SUMF1: variants seen among roughly 807,000 people sequenced by gnomAD.
SUMF1 encodes formylglycine-generating enzyme.
SUMF1 carries 48 observed loss-of-function variants against 47.6 expected under a neutral mutation model. The ratio of observed to expected loss-of-function variants is 1.01; its 90% CI spans 0.80 to 1.28. The LOEUF is 1.28. Ranked by LOEUF, SUMF1 falls within the 50% of genes most tolerant of loss-of-function variation. SUMF1 has a pLI of 0.00. For synonymous variants in SUMF1, 230 were observed against 192.1 expected (o/e 1.20, Z -1.63); for missense variants, 571 against 485.4 (o/e 1.18, Z -1.66).
chr3:4,094,744 G>C (rs1467538213), intron 8 of SUMF1, among the ~76,000 whole-genome samples: 1 of 152,112 alleles, frequency 6.6e-6, no homozygotes, highest in African/African-American at 2.4e-5. Flanking sequence ...GGAGTCAAAA[G>C]GCTGTTAATA....
At chr3:4,276,875 C>T (rs1218973389) in intron 8 of SUMF1, among the ~76,000 whole-genome samples, 1 of 151,938 alleles carries the variant, frequency 6.6e-6, no homozygotes, top group Non-Finnish European at 1.5e-5. Flanking sequence ...GTTTAAAAAC[C>T]TTGACAAAAT....
At chr3:4,249,063 C>G (rs1307537336) in intron 8 of SUMF1, among the ~76,000 whole-genome samples, 1 of 152,072 alleles carries the variant, frequency 6.6e-6, no homozygotes, top group East Asian at 1.9e-4. Flanking sequence ...GCCACTTGGC[C>G]CATGAGGCAC....
In SUMF1 at chr3:4,425,632, T is replaced by C. The variant is rs539294578; in HGVS notation, c.520-5486A>G. ...AGACTTCTCAAGAAGATGTACCATC[T>C]TCCATCACAGTCATGATGTGAGAAC... On this transcript the variant is annotated intron_variant, in intron 3 of 8. Coordinates refer to ENST00000272902, the MANE Select transcript of SUMF1 (RefSeq NM_182760.4). Among the ~76,000 whole-genome samples the C allele has an allele frequency of 4.6e-5, 7 of 152,286 alleles. No homozygotes were observed. The South Asian group carries it at 1.0e-3, about 23-fold the overall frequency.
Position 4,362,193 on chromosome 3 carries a change from G to T in SUMF1, c.1076C>A (p.Ser359Ter), listed in dbSNP as rs137852844. 6.2e-7 allele frequency: 1 copy of T among 1,614,194 alleles called. No homozygotes were observed. The change falls in exon 9 of 9, where the codon TCG becomes TAG. Residue 359 changes from serine to a stop codon, truncating the protein, a stop_gained. Coordinates refer to ENST00000272902, the MANE Select transcript of SUMF1 (RefSeq NM_182760.4). LOFTEE classifies it high-confidence loss of function. ...RSQNTPDSSA[S>*]NLGFRCAADR... is the part of the protein sequence containing the mutation. ...GGCTGCACAGCGGAATCCCAGATTCGAAGCAGAGCTATCAGGTGTGTTCTG... is the reference window on the plus strand; with the variant it reads ...GGCTGCACAGCGGAATCCCAGATTCTAAGCAGAGCTATCAGGTGTGTTCTG...
chr3:4,327,054 A>T (rs1303241434), intron 8 of SUMF1, among the ~76,000 whole-genome samples: 1 of 152,204 alleles, frequency 6.6e-6, no homozygotes, highest in African/African-American at 2.4e-5. Flanking sequence ...GGTAGAGAAA[A>T]GGAAATATGC....
At position 4,133,409 on chromosome 3, in the gene SUMF1, T is replaced by C. The variant is rs143868152; in HGVS notation, c.1015-64664A>G. Among the ~76,000 whole-genome samples the C allele has an allele frequency of 1.1e-4, 17 of 152,170 alleles. No individual in the cohort carries two copies. The East Asian group carries it at 3.3e-3, about 29-fold the overall frequency. On this transcript the variant is annotated intron_variant and NMD_transcript_variant, in intron 8 of 12. Coordinates refer to the SUMF1 transcript ENST00000448413. The stretch of plus-strand genomic sequence containing the variant: ...TGTATGGGTTCAAGTTGACAAGGGG[T>C]GAACTTGTGATAGTTAATACTAAGT...
At chr3:4,040,493 G>T (rs1694889389) in intron 9 of SUMF1, among the ~76,000 whole-genome samples, 1 of 152,098 alleles carries the variant, frequency 6.6e-6, no homozygotes, top group Admixed American at 6.5e-5. Context: ...AGATATACGG[G>T]ATATATTTAT....
intron 8 of SUMF1, among the ~76,000 whole-genome samples, chr3:4,173,931 G>A (rs1163255025): frequency 6.6e-6 from 1 of 152,120 alleles, no homozygotes; most frequent in Non-Finnish European, 1.5e-5. Flanking sequence ...TAATGTAAGT[G>A]ACAGGTTGAT....
intron 8 of SUMF1, among the ~76,000 whole-genome samples, chr3:4,111,799 C>A (rs1378617959): frequency 6.6e-6 from 1 of 151,918 alleles, no homozygotes; most frequent in East Asian, 1.9e-4. Flanking sequence ...TGTATGTATA[C>A]CAAGTACAAC....
At chr3:4,420,648 G>T (rs913751422) in intron 3 of SUMF1, among the ~76,000 whole-genome samples, 4 of 151,962 alleles carry the variant, frequency 2.6e-5, no homozygotes, top group African/African-American at 9.7e-5. Flanking sequence ...CGCCCGCCTC[G>T]GCCTCCCAAA....
intron 8 of SUMF1, among the ~76,000 whole-genome samples, chr3:4,086,842 C>T (rs1462764288): frequency 6.6e-6 from 1 of 152,064 alleles, no homozygotes; most frequent in Admixed American, 6.6e-5. Flanking sequence ...ACCCCTTTCA[C>T]TTGGCTGTCA....
chr3:4,107,527 T>C (rs1693186578), intron 8 of SUMF1, among the ~76,000 whole-genome samples: 1 of 152,120 alleles, frequency 6.6e-6, no homozygotes, highest in African/African-American at 2.4e-5. Context: ...AGTAGGTGTT[T>C]ATTTGATATT....
intron 8 of SUMF1, among the ~76,000 whole-genome samples, chr3:4,323,983 G>C (rs1490333565): frequency 2.0e-5 from 3 of 152,074 alleles, no homozygotes; most frequent in African/African-American, 7.2e-5. Context: ...TTAAATCTGT[G>C]TACGTGTAAG....
intron 8 of SUMF1, among the ~76,000 whole-genome samples, chr3:4,370,664 G>A (rs1300164157): frequency 6.6e-6 from 1 of 152,126 alleles, no homozygotes; most frequent in Non-Finnish European, 1.5e-5. Flanking sequence ...GGCCATATCT[G>A]AAGACCCCGG....
At chr3:4,420,796 A>G (rs1485940837) in intron 3 of SUMF1, among the ~76,000 whole-genome samples, 2 of 152,160 alleles carry the variant, frequency 1.3e-5, no homozygotes, top group Non-Finnish European at 1.5e-5. Flanking sequence ...GAGGAAACAG[A>G]GTTAACCCTA....
At chr3:4,297,561 T>A (rs1201847364) in intron 8 of SUMF1, among the ~76,000 whole-genome samples, 1 of 125,268 alleles carries the variant, frequency 8.0e-6, no homozygotes, top group Non-Finnish European at 1.6e-5. Context: ...CCACTACACC[T>A]GAATTTTTTT....
Position 4,420,070 on chromosome 3 carries a change from A to C in SUMF1, c.596T>G (p.Leu199Arg). The change falls in exon 4 of 9, where the codon CTG becomes CGG. Residue 199 changes from leucine to arginine, a missense_variant. Leu to Arg is a moderately radical substitution (Grantham distance 102). Transcript: ENST00000272902. ...RHPEGPDSTI[L>R]HRPDHPVLHV... ...AAAGAGGGACCAGCCTCACCTGTGC[A>C]GAATAGTAGAGTCAGGCCCTTCTGG... The C allele has an allele frequency of 6.2e-7, 1 of 1,614,010 alleles. No homozygotes were observed. Among genetic ancestry groups the C allele is most frequent in the Non-Finnish European group, 8.5e-7 (1 of 1,179,892 alleles).
Position 4,236,565 on chromosome 3 carries a change from G to A in SUMF1, c.1014+139765C>T, listed in dbSNP as rs369751670. Among the ~76,000 whole-genome samples, 20 of 131,462 alleles carry A rather than the reference G, an allele frequency of 1.5e-4. No homozygotes were observed. The South Asian group carries it at 5.4e-3, about 36-fold the overall frequency. 86.2% of individuals were successfully genotyped at this position (131,462 alleles called of 152,430 possible). A position where few individuals can be genotyped will look rare whatever the true frequency, so the allele number is the denominator to read the frequency against. ...ACCCAGAAGTTCAAGTTCAGCATGG[G>A]CAACATAGTGAGACCCCCCATCTCT... On this transcript the variant is annotated intron_variant and NMD_transcript_variant, in intron 8 of 12. Coordinates refer to the SUMF1 transcript ENST00000448413.
At chr3:4,073,467 T>C (rs562797003) in intron 8 of SUMF1, among the ~76,000 whole-genome samples, 1 of 152,124 alleles carries the variant, frequency 6.6e-6, no homozygotes, top group Admixed American at 6.6e-5. Flanking sequence ...AATGACAGGA[T>C]CAGATTCACA....
Sources: allele counts gnomAD v4.1 joint callset (sites outside exome capture counted in the v4.1 genomes callset), GRCh38; gene constraint gnomAD v4.1.1; transcripts MANE v1.5; gene names NCBI Gene and HGNC (gene_info 2026-07-23, HGNC 2026-07-21).